Variants in PUS1 observed in about 807,000 individuals in gnomAD.
PUS1 encodes the protein pseudouridine synthase 1.
A neutral mutation model predicts 38.5 loss-of-function variants in PUS1; 25 were observed. The observed-to-expected ratio is 0.65, with a 90% CI of 0.47 to 0.91. PUS1 has a LOEUF of 0.91. Ranked by LOEUF, PUS1 falls within the 40% of genes least tolerant of loss-of-function variation. The pLI, the probability that PUS1 is intolerant of heterozygous loss-of-function variation, is 0.00. For synonymous variants in PUS1, 282 were observed against 260.4 expected, an observed-to-expected ratio of 1.08 and a Z score of -0.80; for missense variants, 597 against 612.3, an observed-to-expected ratio of 0.97 and a Z score of 0.26.
intron 2 of PUS1, among the ~76,000 whole-genome samples, chr12:131,930,831 T>G (rs1262955051): frequency 3.3e-5 from 5 of 152,072 alleles, no homozygotes; most frequent in Admixed American, 2.6e-4. Flanking sequence ...TCTTGCTAAG[T>G]TTTTTATTAT....
At chr12:131,932,015 A>G (rs1389317800) in intron 2 of PUS1, 160 bp from the exon 3 acceptor site, 2 of 726,194 alleles carry the variant, frequency 2.8e-6, no homozygotes, top group African/African-American at 3.5e-5. Context: ...GAGTGAGCAG[A>G]AAACAGTGTT....
chr12:131,936,774 A>G (rs1890853951), intron 3 of PUS1, among the ~76,000 whole-genome samples: 1 of 152,140 alleles, frequency 6.6e-6, no homozygotes, highest in Admixed American at 6.5e-5. Context: ...CTGTAATCCC[A>G]GCTACCTGGG....
intron 2 of PUS1, among the ~76,000 whole-genome samples, chr12:131,931,294 GA>G (rs1890590155): frequency 1.3e-5 from 2 of 152,184 alleles, no homozygotes; most frequent in South Asian, 4.2e-4. Flanking sequence ...GAGTAGCTGG[GA>G]CTACAGGCGC....
chr12:131,939,892 T>C (rs1370278832), intron 4 of PUS1, among the ~76,000 whole-genome samples: 1 of 150,494 alleles, frequency 6.6e-6, no homozygotes, highest in Non-Finnish European at 1.5e-5. Flanking sequence ...CCTCCTGCCT[T>C]GGCCTCCCAG....
At chr12:131,933,956 G>A (rs1890718552) in intron 3 of PUS1, among the ~76,000 whole-genome samples, 1 of 152,234 alleles carries the variant, frequency 6.6e-6, no homozygotes, top group Admixed American at 6.5e-5. Context: ...AGGAGCGTGT[G>A]TCATCTCAAG....
chr12:131,931,884 G>A (rs960403918), intron 2 of PUS1: 1 of 599,086 alleles, frequency 1.7e-6, no homozygotes, highest in African/African-American at 1.9e-5. Context: ...AGCACCCACG[G>A]CACTGATTTT....
chr12:131,931,305 C>T (rs1890591502), intron 2 of PUS1, among the ~76,000 whole-genome samples: 1 of 152,014 alleles, frequency 6.6e-6, no homozygotes, highest in African/African-American at 2.4e-5. Flanking sequence ...ACTACAGGCG[C>T]TCGCCACCAC....
At chr12:131,935,784 C>T (rs574190741) in intron 3 of PUS1, among the ~76,000 whole-genome samples, 6 of 152,054 alleles carry the variant, frequency 3.9e-5, no homozygotes, top group Admixed American at 6.5e-5. Flanking sequence ...CTGCCTGCCT[C>T]GGCCTCCCAA....
At chr12:131,936,349 G>A (rs899830572) in intron 3 of PUS1, among the ~76,000 whole-genome samples, 2 of 152,004 alleles carry the variant, frequency 1.3e-5, no homozygotes, top group Non-Finnish European at 2.9e-5. Context: ...GATCACCTGA[G>A]GTCAGGAGTT....
At chr12:131,930,266 A>C (rs1400277305) in intron 2 of PUS1, 131 bp downstream of exon 2, 1 of 507,268 alleles carries the variant, frequency 2.0e-6, no homozygotes, top group African/African-American at 2.0e-5. Context: ...GGCAGGATTT[A>C]GGTGCAGGCC....
rs1226577392 is a variant in PUS1, at chr12:131,929,610, C to T, written c.-113C>T. The T allele has an allele frequency of 2.2e-6, 2 of 923,332 alleles. No individual in the cohort carries two copies. The highest frequency in any genetic ancestry group is 3.5e-5 in the African/African-American group (2 of 57,002). The allele number at this position is 923,332 out of a possible 1,614,324, so 57.2% of individuals were successfully genotyped here. ...CCCGGAGGTCAGGGGTCAGAAGGAA[C>T]AGGGCTGCAGCGTCAGGGTCCGAGA... On this transcript the variant is annotated 5_prime_UTR_variant, in exon 1 of 6. Transcript: ENST00000376649.
Position 131,941,612 on chromosome 12 carries a change from T to G in PUS1, c.865T>G (p.Phe289Val). ...FAVIRVKGQS[F>V]MMHQIRKMVG... ...GGTGATCAGGGTGAAGGGCCAGAGC[T>G]TCATGATGCATCAGATCCGGAAGAT... The change falls in exon 5 of 6, where the codon TTC becomes GTC. Residue 289 changes from phenylalanine to valine, a missense_variant. By Grantham distance (50) the Phe-to-Val change is conservative. Transcript: ENST00000376649. This position sits in a 1 kb window ranked among gnomAD's most constrained non-coding sequence, Gnocchi z 4.4. 1 of 1,614,156 alleles carries G rather than the reference T, an allele frequency of 6.2e-7. No individual in the cohort carries two copies. Among genetic ancestry groups the G allele is most frequent in the Non-Finnish European group, 8.5e-7 (1 of 1,180,024 alleles).
At position 131,929,743 on chromosome 12, in the gene PUS1, G is replaced by T; in HGVS notation, c.21G>T (p.Ala7=). The part of the protein sequence containing the change: MGLQLR[A]LLGAFGRWTL... ...TGCGCATGGGCCTCCAGCTTCGCGCGCTGTTGGGAGCCTTCGGACGGTGGA... is the reference window on the plus strand; with the variant it reads ...TGCGCATGGGCCTCCAGCTTCGCGCTCTGTTGGGAGCCTTCGGACGGTGGA... The change falls in exon 1 of 6, where the codon GCG becomes GCT. Residue 7 remains alanine (A), a synonymous_variant. Coordinates refer to ENST00000376649, the MANE Select transcript of PUS1 (RefSeq NM_025215.6). The T allele has an allele frequency of 1.9e-6, 3 of 1,592,316 alleles. No individual in the cohort carries two copies. The highest frequency in any genetic ancestry group is 2.6e-6 in the Non-Finnish European group (3 of 1,176,458).
In PUS1 at chr12:131,942,752, A is replaced by G. The variant is rs544309915; in HGVS notation, c.1236+769A>G. ...GCCCAGTGAGGTTTCAAAGGGTGACATTCCCAGGCAGGGCTCAGGGAGATT... is the reference window on the plus strand; with the variant it reads ...GCCCAGTGAGGTTTCAAAGGGTGACGTTCCCAGGCAGGGCTCAGGGAGATT... On this transcript the variant is annotated intron_variant, in intron 5 of 5. Coordinates refer to ENST00000376649, the MANE Select transcript of PUS1 (RefSeq NM_025215.6). 4.6e-5 allele frequency among the ~76,000 whole-genome samples: 7 copies of G among 152,330 alleles called. No homozygotes were observed. The South Asian group carries it at 1.5e-3, about 32-fold the overall frequency.
At chr12:131,935,834 ATTGT>A (rs1292238842) in intron 3 of PUS1, among the ~76,000 whole-genome samples, 1 of 151,822 alleles carries the variant, frequency 6.6e-6, no homozygotes, top group East Asian at 2.0e-4. Context: ...TGCCCGGCCT[ATTGT>A]TTATTTTTGT....
Position 131,941,091 on chromosome 12 carries a change from A to G in PUS1, c.545-201A>G. 5.0e-6 allele frequency: 3 copies of G among 604,046 alleles called. No individual in the cohort carries two copies. The highest frequency in any genetic ancestry group is 8.9e-6 in the Non-Finnish European group (3 of 337,236). The allele number at this position is 604,046 out of a possible 1,614,324, so 37.4% of individuals were successfully genotyped here. On this transcript the variant is annotated intron_variant, in intron 4 of 5. Coordinates refer to ENST00000376649, the MANE Select transcript of PUS1 (RefSeq NM_025215.6). This position sits in a 1 kb window ranked among gnomAD's most constrained non-coding sequence, Gnocchi z 4.4. ...ATTCAGTCACCTTATAGAGCACTGC[A>G]CCTGTCCCTCCTGTCCATCGTCCTC... is the stretch of plus-strand genomic sequence containing the variant.
chr12:131,943,498 G>A lies in PUS1; in HGVS notation c.1237-41G>A, dbSNP rs372365637. 1.0e-5 allele frequency: 16 copies of A among 1,568,492 alleles called. No individual in the cohort carries two copies. In the East Asian group the frequency reaches 2.2e-4, roughly 22 times the overall value. ...TGTGGGCATCCAGGAGCAGTGGAGA[G>A]AGTGCTTGCCTCTTATTCTCCATGT... On this transcript the variant is annotated intron_variant, in intron 5 of 5. Coordinates refer to ENST00000376649, the MANE Select transcript of PUS1 (RefSeq NM_025215.6).
chr12:131,939,268 G>C lies in PUS1; in HGVS notation c.537G>C (p.Arg179=). Residue 179 remains arginine, a synonymous_variant, in exon 4 of 6, where the codon CGG becomes CGC. Transcript: ENST00000376649. ...KINSHLPSHI[R]ILGLKRVTGG... is the part of the protein sequence containing the mutation. The stretch of plus-strand genomic sequence containing the variant: ...ACAGCCACCTTCCCTCTCACATTCG[G>C]ATTCTGGGTAAGCCTTGCAGTGCAG... 6.4e-7 allele frequency: 1 copy of C among 1,554,990 alleles called. No individual in the cohort carries two copies. Among genetic ancestry groups the C allele is most frequent in the Non-Finnish European group, 8.7e-7 (1 of 1,147,570 alleles).
chr12:131,932,466 A>C, intron 3 of PUS1, 154 bp downstream of exon 3: 2 of 860,724 alleles, frequency 2.3e-6, no homozygotes, highest in Non-Finnish European at 3.7e-6. Context: ...GACGTCCAGG[A>C]GCCTGGTCGG....
Sources: gnomAD v4.1 joint callset for allele counts (sites outside exome capture counted in the v4.1 genomes callset) on GRCh38, gnomAD v4.1.1 for gene constraint, Gnocchi (gnomAD v3.1) non-coding constraint, MANE v1.5 for transcripts, NCBI Gene and HGNC (gene_info 2026-07-23, HGNC 2026-07-21) for gene names.